The following CCSER1 variants were observed in gnomAD, a reference collection of about 807,000 sequenced individuals.
CCSER1 encodes serine-rich coiled-coil domain-containing protein 1.
In CCSER1, 41 loss-of-function variants were observed where a neutral mutation model predicts 82.0. That is an observed-to-expected ratio of 0.50 (90% confidence interval 0.39 to 0.65). The LOEUF (loss-of-function observed/expected upper bound fraction) is 0.65, where lower values mean the gene tolerates loss of function less well. Ranked by LOEUF, CCSER1 falls within the 30% of genes least tolerant of loss-of-function variation. The probability of loss-of-function intolerance (pLI) is 0.00; values close to 1 mark genes in which losing one functional copy is unlikely to be tolerated. For synonymous variants in CCSER1, 414 were observed against 383.9 expected (o/e 1.08, Z -0.92); for missense variants, 1,119 against 1,064.2 (o/e 1.05, Z -0.72).
intron 9 of CCSER1, among the ~76,000 whole-genome samples, chr4:91,040,733 T>A (rs1741890236): frequency 6.6e-6 from 1 of 152,184 alleles, no homozygotes; most frequent in African/African-American, 2.4e-5. Flanking sequence ...ACTGATTTAC[T>A]GTCCTGGGAG....
At chr4:90,580,760 C>A (rs529606419) in intron 5 of CCSER1, among the ~76,000 whole-genome samples, 4 of 152,162 alleles carry the variant, frequency 2.6e-5, no homozygotes, top group Non-Finnish European at 4.4e-5. Flanking sequence ...ATATTTGTTA[C>A]AAACTCTTTA....
intron 10 of CCSER1, among the ~76,000 whole-genome samples, chr4:91,170,533 T>A (rs936965921): frequency 1.3e-5 from 2 of 152,198 alleles, no homozygotes; most frequent in Non-Finnish European, 2.9e-5. Flanking sequence ...GAAATTTTCT[T>A]GAGGGTAATA....
At chr4:91,402,038 T>C (rs1752373648) in intron 10 of CCSER1, among the ~76,000 whole-genome samples, 1 of 152,170 alleles carries the variant, frequency 6.6e-6, no homozygotes, top group South Asian at 2.1e-4. Flanking sequence ...TGTTCCTATT[T>C]CTCCACATCC....
At chr4:91,416,725 C>T (rs1022970361) in intron 10 of CCSER1, among the ~76,000 whole-genome samples, 9 of 151,958 alleles carry the variant, frequency 5.9e-5, no homozygotes, top group African/African-American at 1.7e-4. Flanking sequence ...AAAGACTTGA[C>T]TGCAAAACCA....
At chr4:90,579,490 T>G (rs1781171228) in intron 5 of CCSER1, among the ~76,000 whole-genome samples, 1 of 152,188 alleles carries the variant, frequency 6.6e-6, no homozygotes, top group Non-Finnish European at 1.5e-5. Context: ...GGCCTGGAAT[T>G]GCATGACAAG....
At chr4:91,083,646 A>G (rs1307460242) in intron 9 of CCSER1, among the ~76,000 whole-genome samples, 1 of 152,202 alleles carries the variant, frequency 6.6e-6, no homozygotes, top group East Asian at 1.9e-4. Context: ...GAAGTATAAT[A>G]TGAGAGAAAT....
At chr4:91,063,661 T>A (rs772305559) in intron 9 of CCSER1, among the ~76,000 whole-genome samples, 1 of 152,156 alleles carries the variant, frequency 6.6e-6, no homozygotes, top group Non-Finnish European at 1.5e-5. Flanking sequence ...CATGGAGATA[T>A]AGGAATTTAA....
intron 7 of CCSER1, among the ~76,000 whole-genome samples, chr4:90,773,874 A>G (rs17017548): frequency 0.051 from 7,773 of 152,248 alleles, 434 homozygotes; most frequent in African/African-American, 0.14. Context: ...ATACTCAAAA[A>G]AGGAGACGTT....
chr4:91,325,154 G>GAGGA (rs1746465590), intron 10 of CCSER1: 1 of 455,934 alleles, frequency 2.2e-6, no homozygotes, highest in Non-Finnish European at 4.4e-6. Flanking sequence ...GTTAGCAGTG[G>GAGGA]TCCTCTTTTT....
chr4:91,058,110 C>G (rs1743613280), intron 9 of CCSER1, among the ~76,000 whole-genome samples: 1 of 152,066 alleles, frequency 6.6e-6, no homozygotes, highest in African/African-American at 2.4e-5. Context: ...TATTTCATCA[C>G]CCAGGTGTTA....
Position 91,599,048 on chromosome 4 carries a change from G to A in CCSER1, c.2694G>A (p.Gln898=). Reference sequence around the variant, plus strand: ...CTGAGCTGCAAACTCTAGGCCAGCAGGATGGGTAATTAAATCACCGTATTC... The same window carrying A: ...CTGAGCTGCAAACTCTAGGCCAGCAAGATGGGTAATTAAATCACCGTATTC... ...HSTELQTLGQ[Q]DG is the part of the protein sequence containing the mutation. The change falls in exon 11 of 11, where the codon CAG becomes CAA. Residue 898 remains glutamine, a synonymous_variant. Coordinates refer to ENST00000509176, the MANE Select transcript of CCSER1 (RefSeq NM_001145065.2). The A allele has an allele frequency of 6.5e-7, 1 of 1,537,220 alleles. No individual in the cohort carries two copies. Among genetic ancestry groups the A allele is most frequent in the East Asian group, 2.5e-5 (1 of 40,628 alleles).
At chr4:90,858,508 C>A (rs551647015) in intron 8 of CCSER1, among the ~76,000 whole-genome samples, 1 of 151,930 alleles carries the variant, frequency 6.6e-6, no homozygotes, top group South Asian at 2.1e-4. Context: ...AGTTCAAATT[C>A]TTTACGTTAA....
At chr4:91,179,320 C>T (rs1733752967) in intron 10 of CCSER1, among the ~76,000 whole-genome samples, 1 of 152,126 alleles carries the variant, frequency 6.6e-6, no homozygotes, top group African/African-American at 2.4e-5. Flanking sequence ...GTGGCATTCT[C>T]TGCATTTCCT....
chr4:91,361,622 G>C (rs1560612174), intron 10 of CCSER1, among the ~76,000 whole-genome samples: 1 of 151,850 alleles, frequency 6.6e-6, no homozygotes, highest in South Asian at 2.1e-4. Flanking sequence ...TGGAGGGAGA[G>C]ACTTATTAAC....
Position 91,377,113 on chromosome 4 carries a change from T to C in CCSER1, c.2218-221459T>C, listed in dbSNP as rs536916939. On this transcript the variant is annotated intron_variant, in intron 10 of 10. Transcript: ENST00000509176. ...TTTATGGCTGCATAGTATTCCATGGTATATATGTGTCACATTTTCTTAATC... is the reference window on the plus strand; with the variant it reads ...TTTATGGCTGCATAGTATTCCATGGCATATATGTGTCACATTTTCTTAATC... Among the ~76,000 whole-genome samples the C allele has an allele frequency of 1.6e-4, 25 of 152,296 alleles. No individual in the cohort carries two copies. In the East Asian group the frequency reaches 4.8e-3, roughly 29 times the overall value.
chr4:90,995,987 G>C (rs927088973), intron 9 of CCSER1, among the ~76,000 whole-genome samples: 1 of 151,756 alleles, frequency 6.6e-6, no homozygotes. Context: ...AGATTTTGTC[G>C]AATCTATATT....
chr4:91,566,897 C>T (rs1236279827), intron 10 of CCSER1, among the ~76,000 whole-genome samples: 3 of 151,974 alleles, frequency 2.0e-5, no homozygotes, highest in Non-Finnish European at 4.4e-5. Context: ...TTCAGTTCAG[C>T]TCTGATTTTT....
chr4:91,328,434 C>T (rs556519494), intron 10 of CCSER1, among the ~76,000 whole-genome samples: 1 of 152,276 alleles, frequency 6.6e-6, no homozygotes, highest in Admixed American at 6.5e-5. Context: ...AACTCACTCA[C>T]TATCACAAGA....
chr4:91,229,354 T>TA lies in CCSER1; in HGVS notation c.2217+143370dup, dbSNP rs148204032. Among the ~76,000 whole-genome samples the TA allele has an allele frequency of 2.5e-3, 363 of 147,020 alleles. 1 individual carries two copies. Among genetic ancestry groups the TA allele is most frequent in the African/African-American group, 7.2e-3 (290 of 40,114 alleles). On this transcript the variant is annotated intron_variant, in intron 10 of 10. Transcript: ENST00000509176. Reference sequence around the variant, plus strand: ...TATTACTTCTAGATATGTTTTGAATTAAAAAAAAAACAGAGTACTCTTTGG... The same window carrying TA: ...TATTACTTCTAGATATGTTTTGAATTAAAAAAAAAAACAGAGTACTCTTTGG...
Sources: allele counts gnomAD v4.1 joint callset (sites outside exome capture counted in the v4.1 genomes callset), GRCh38; gene constraint gnomAD v4.1.1; transcripts MANE v1.5; gene names NCBI Gene and HGNC (gene_info 2026-07-23, HGNC 2026-07-21).